The following HAUS1 variants were observed in gnomAD, a reference collection of about 807,000 sequenced individuals.
HAUS1 encodes HAUS augmin-like complex subunit 1.
In HAUS1, 25 loss-of-function variants were observed where a neutral mutation model predicts 38.6. The observed-to-expected ratio is 0.65, with a 90% CI of 0.47 to 0.91. HAUS1 has a LOEUF of 0.91. Among genes scored for constraint, HAUS1 ranks in the 40% least tolerant of loss-of-function variants. The probability of loss-of-function intolerance (pLI) is 0.00; values close to 1 mark genes in which losing one functional copy is unlikely to be tolerated. For missense variants in HAUS1, 325 were observed against 328.4 expected, an observed-to-expected ratio of 0.99 and a Z score of 0.08; for synonymous variants, 109 against 112.9, an observed-to-expected ratio of 0.97 and a Z score of 0.22.
intron 2 of HAUS1, among the ~76,000 whole-genome samples, chr18:46,116,754 T>A (rs919181548): frequency 3.3e-5 from 5 of 152,122 alleles, no homozygotes; most frequent in African/African-American, 1.2e-4. Flanking sequence ...GGCTCACGCC[T>A]GTAATCTCAA....
chr18:46,125,926 C>T, intron 8 of HAUS1, 135 bp downstream of exon 8: 1 of 630,870 alleles, frequency 1.6e-6, no homozygotes, highest in Non-Finnish European at 2.8e-6. Context: ...GTATCATTCT[C>T]CTGCATCTTT....
rs200936478 is a variant in HAUS1, at chr18:46,124,852, C to T, written c.697C>T (p.Pro233Ser). 7.5e-6 allele frequency: 12 copies of T among 1,606,354 alleles called. No individual in the cohort carries two copies. Among genetic ancestry groups the T allele is most frequent in the African/African-American group, 1.3e-5 (1 of 74,798 alleles). Residue 233 changes from proline (P) to serine (S), a missense_variant, in exon 7 of 9, where the codon CCT becomes TCT. Pro to Ser is a moderately conservative substitution (Grantham distance 74). Transcript: ENST00000282058. ...GGCAAGATTAAAGCAACAGACTATACCTTTGAAGAAAAAATTGGAGTCCTA... is the reference window on the plus strand; with the variant it reads ...GGCAAGATTAAAGCAACAGACTATATCTTTGAAGAAAAAATTGGAGTCCTA... Reference protein sequence around the residue: ...KLARLKQQTIPLKKKLESYLD... With the variant: ...KLARLKQQTISLKKKLESYLD...
At chr18:46,123,159 C>T (rs1010790994) in intron 5 of HAUS1, 140 bp from the exon 6 acceptor site, 11 of 592,596 alleles carry the variant, frequency 1.9e-5, no homozygotes, top group African/African-American at 1.2e-4. Context: ...TGCAGAGAGC[C>T]GAGATCGCGC....
At chr18:46,109,188 T>C (rs1911556438) in intron 2 of HAUS1, among the ~76,000 whole-genome samples, 1 of 151,972 alleles carries the variant, frequency 6.6e-6, no homozygotes, top group South Asian at 2.1e-4. Flanking sequence ...AGGCACGTCT[T>C]ACTCACTATG....
intron 2 of HAUS1, among the ~76,000 whole-genome samples, chr18:46,116,375 A>C (rs925696307): frequency 2.0e-5 from 3 of 151,980 alleles, no homozygotes; most frequent in Non-Finnish European, 2.9e-5. Context: ...CAGCCTAGGC[A>C]ACATGGCGAA....
chr18:46,113,047 C>CCATATTATATATATAATATATATATTA (rs1911711779), intron 2 of HAUS1, among the ~76,000 whole-genome samples: 1 of 128,962 alleles, frequency 7.8e-6, no homozygotes, highest in African/African-American at 3.0e-5. Flanking sequence ...TATATATATT[C>CCATATTATATATATAATATATATATTA]CATATTATAT....
At chr18:46,105,162 C>A in intron 1 of HAUS1, 32 bp from the exon 2 acceptor site, 1 of 1,510,196 alleles carries the variant, frequency 6.6e-7, no homozygotes, top group Non-Finnish European at 9.1e-7. Context: ...GTAAACAAGG[C>A]TTATAATATT....
intron 8 of HAUS1, among the ~76,000 whole-genome samples, chr18:46,126,496 C>T (rs2144267663): frequency 6.6e-6 from 1 of 152,172 alleles, no homozygotes; most frequent in South Asian, 2.1e-4. Flanking sequence ...TGGAAAAGGT[C>T]AATTGGTTCA....
Position 46,124,875 on chromosome 18 carries a change from C to T in HAUS1, c.720C>T (p.Ser240=), listed in dbSNP as rs1912055860. The change falls in exon 7 of 9, where the codon TCC becomes TCT. Residue 240 remains serine (S), a synonymous_variant. Transcript: ENST00000282058. Reference sequence around the variant, plus strand: ...TACCTTTGAAGAAAAAATTGGAGTCCTATTTAGACTTAATGCCGGTAATAA... The same window carrying T: ...TACCTTTGAAGAAAAAATTGGAGTCTTATTTAGACTTAATGCCGGTAATAA... ...QTIPLKKKLE[S]YLDLMPNPSL... The T allele has an allele frequency of 3.2e-6, 5 of 1,586,500 alleles. No individual in the cohort carries two copies. Among genetic ancestry groups the T allele is most frequent in the Non-Finnish European group, 4.3e-6 (5 of 1,157,056 alleles).
chr18:46,120,339 A>G (rs1367662931), intron 4 of HAUS1, among the ~76,000 whole-genome samples: 2 of 151,726 alleles, frequency 1.3e-5, no homozygotes, highest in Non-Finnish European at 2.9e-5. Context: ...GGTTCAAGCA[A>G]TTCTCCCGCC....
chr18:46,104,576 G>T, intron 1 of HAUS1, 135 bp downstream of exon 1: 1 of 693,914 alleles, frequency 1.4e-6, no homozygotes, highest in African/African-American at 1.9e-5. Flanking sequence ...TTTTAGTGCC[G>T]CCGTCACTAT....
At chr18:46,119,830 A>G in intron 3 of HAUS1, 96 bp from the exon 4 acceptor site, 2 of 1,094,168 alleles carry the variant, frequency 1.8e-6, no homozygotes, top group South Asian at 3.9e-5. Flanking sequence ...ATGGTTATAT[A>G]AAAATCTACA....
At position 46,119,919 on chromosome 18, in the gene HAUS1, C is replaced by CT; in HGVS notation, c.342-3dup. 1 of 1,575,276 alleles carries CT rather than the reference C, an allele frequency of 6.3e-7. No individual in the cohort carries two copies. Among genetic ancestry groups the CT allele is most frequent in the East Asian group, 2.3e-5 (1 of 44,222 alleles). The stretch of plus-strand genomic sequence containing the variant: ...AGCCCATGTATATGACCAGATTCTT[C>CT]TTTTAGTTTTATCCCTGCAGTGAAT... On this transcript the variant is annotated splice_region_variant and splice_polypyrimidine_tract_variant and intron_variant, in intron 3 of 8. Transcript: ENST00000282058.
chr18:46,107,025 AAATT>A (rs1011011976), intron 2 of HAUS1, among the ~76,000 whole-genome samples: 6 of 152,160 alleles, frequency 3.9e-5, no homozygotes, highest in African/African-American at 7.2e-5. Context: ...CAACAAAAAA[AAATT>A]AATTAATTAA....
chr18:46,124,776 T>C, intron 6 of HAUS1, 46 bp from the exon 7 acceptor site: 2 of 1,016,008 alleles, frequency 2.0e-6, no homozygotes, highest in Non-Finnish European at 3.1e-6. Context: ...ATTAGTTGCA[T>C]TGTGAATGTT....
chr18:46,115,151 T>C (rs976682872), intron 2 of HAUS1: 11 of 152,048 alleles, frequency 7.2e-5, no homozygotes, highest in African/African-American at 2.4e-4. Flanking sequence ...TCACACAAAA[T>C]AGAAGAATTC....
intron 2 of HAUS1, among the ~76,000 whole-genome samples, chr18:46,110,182 G>T (rs2144247351): frequency 3.8e-5 from 5 of 130,850 alleles, no homozygotes; most frequent in Non-Finnish European, 4.7e-5. Context: ...TTGACACAGA[G>T]TCTTGCTCTG....
chr18:46,120,877 C>T (rs1313376971), intron 4 of HAUS1, among the ~76,000 whole-genome samples: 3 of 152,188 alleles, frequency 2.0e-5, no homozygotes, highest in African/African-American at 7.2e-5. Flanking sequence ...TGAGCCACCG[C>T]ACCCAGCCTC....
chr18:46,125,827 A>G (rs1255520221), intron 8 of HAUS1, 36 bp downstream of exon 8: 2 of 1,325,434 alleles, frequency 1.5e-6, no homozygotes, highest in Admixed American at 1.9e-5. Context: ...GATTTTTTTA[A>G]AAAGAAAATA....
Sources: allele counts gnomAD v4.1 joint callset (sites outside exome capture counted in the v4.1 genomes callset), GRCh38; gene constraint gnomAD v4.1.1; transcripts MANE v1.5; gene names NCBI Gene and HGNC (gene_info 2026-07-23, HGNC 2026-07-21).